FNTA: variants seen among roughly 807,000 people sequenced by gnomAD.
FNTA encodes protein farnesyltransferase/geranylgeranyltransferase type-1 subunit alpha.
FNTA carries 27 observed loss-of-function variants against 55.2 expected under a neutral mutation model. The observed-to-expected ratio is 0.49, with a 90% CI of 0.36 to 0.67. FNTA has a LOEUF of 0.67. Ranked by LOEUF, FNTA falls within the 30% of genes least tolerant of loss-of-function variation. The pLI is 0.00. For synonymous variants in FNTA, 176 were observed against 170.7 expected, an observed-to-expected ratio of 1.03 and a Z score of -0.24; for missense variants, 422 against 464.7, an observed-to-expected ratio of 0.91 and a Z score of 0.85.
chr8:43,057,207 C>G (rs1217069537), intron 1 of FNTA: 1 of 152,216 alleles, frequency 6.6e-6, no homozygotes, highest in Admixed American at 6.5e-5. Flanking sequence ...TTGCTGACAC[C>G]CAGTTCCATC....
At chr8:43,068,335 C>T (rs1036922604) in intron 3 of FNTA, among the ~76,000 whole-genome samples, 3 of 152,110 alleles carry the variant, frequency 2.0e-5, no homozygotes, top group Admixed American at 6.5e-5. Context: ...TACTATATAT[C>T]GAGTTGGAAA....
chr8:43,079,602 G>T (rs544324722), intron 6 of FNTA: 1 of 152,332 alleles, frequency 6.6e-6, no homozygotes, highest in East Asian at 1.9e-4. Context: ...GATGTGCAAG[G>T]AGATGCTGTT....
chr8:43,056,700 G>C (rs931779381), intron 1 of FNTA, 154 bp downstream of exon 1: 9 of 326,974 alleles, frequency 2.8e-5, no homozygotes, highest in African/African-American at 1.5e-4. Context: ...GGCGGCTGCC[G>C]GGACGTCGCC....
intron 6 of FNTA, chr8:43,078,442 G>A (rs1810958610): frequency 6.6e-6 from 1 of 151,722 alleles, no homozygotes; most frequent in Admixed American, 6.6e-5. Context: ...GTGCTCACTT[G>A]TGTCTCCGTG....
Position 43,077,382 on chromosome 8 carries a change from C to G in FNTA, c.782+18C>G. 1.3e-6 allele frequency: 2 copies of G among 1,590,558 alleles called. No homozygotes were observed. Among genetic ancestry groups the G allele is most frequent in the Non-Finnish European group, 1.7e-6 (2 of 1,164,504 alleles). On this transcript the variant is annotated intron_variant, in intron 6 of 8. Coordinates refer to ENST00000302279, the MANE Select transcript of FNTA (RefSeq NM_002027.3). ...GAAGTCCAGTTAGTAATCTCCTTCACTTGCTCATTCGTTACAAACATGTTT... is the reference window on the plus strand; with the variant it reads ...GAAGTCCAGTTAGTAATCTCCTTCAGTTGCTCATTCGTTACAAACATGTTT...
intron 4 of FNTA, chr8:43,070,007 A>G (rs1472778162): frequency 6.3e-6 from 1 of 158,406 alleles, no homozygotes; most frequent in African/African-American, 2.4e-5. Context: ...TAATCCCAGC[A>G]GTTTGGGAGG....
chr8:43,072,338 A>AT (rs529880975), intron 5 of FNTA, 31 bp downstream of exon 5: 5,518 of 1,334,570 alleles, frequency 4.1e-3, no homozygotes, highest in South Asian at 7.6e-3. Flanking sequence ...TGTTTTTCAG[A>AT]TTTTTTTTTT....
intron 3 of FNTA, among the ~76,000 whole-genome samples, chr8:43,067,647 T>C (rs1810691690): frequency 7.9e-6 from 1 of 126,692 alleles, no homozygotes; most frequent in Non-Finnish European, 1.7e-5. Flanking sequence ...GGAAGTCTAC[T>C]TTTTTTTTTT....
intron 6 of FNTA, 39 bp downstream of exon 6, chr8:43,077,403 T>C (rs1199844801): frequency 6.5e-7 from 1 of 1,544,788 alleles, no homozygotes; most frequent in Non-Finnish European, 8.9e-7. Context: ...GTTACAAACA[T>C]GTTTGCATGC....
At chr8:43,066,001 ACTTTT>A (rs1810649240) in intron 3 of FNTA, among the ~76,000 whole-genome samples, 1 of 150,552 alleles carries the variant, frequency 6.6e-6, no homozygotes, top group Non-Finnish European at 1.5e-5. Flanking sequence ...TTTGTTTAAA[ACTTTT>A]CTTTTTCTCT....
At chr8:43,064,055 A>C in intron 2 of FNTA, 46 bp from the exon 3 acceptor site, 1 of 1,197,598 alleles carries the variant, frequency 8.4e-7, no homozygotes. Context: ...TATAGTGCTA[A>C]TTTTAAGTAA....
chr8:43,068,221 A>AG lies in FNTA; in HGVS notation c.402-1332dup, dbSNP rs1425704515. ...GAGATGGGGTTTTGCCACGTTGGCCAGGCTGGTCTCAAACTCTTGACCTCA... is the reference window on the plus strand; with the variant it reads ...GAGATGGGGTTTTGCCACGTTGGCCAGGGCTGGTCTCAAACTCTTGACCTCA... On this transcript the variant is annotated intron_variant, in intron 3 of 8. Transcript: ENST00000302279. Among the ~76,000 whole-genome samples the AG allele has an allele frequency of 5.3e-5, 8 of 152,206 alleles. No homozygotes were observed. In the East Asian group the frequency reaches 1.5e-3, roughly 29 times the overall value.
rs567808745 is a variant in FNTA at position 43,075,100 on chromosome 8, T to C, written c.634-2116T>C. Among the ~76,000 whole-genome samples, 13 of 152,300 alleles carry C rather than the reference T, an allele frequency of 8.5e-5. No individual in the cohort carries two copies. In the East Asian group the frequency reaches 2.1e-3, roughly 25 times the overall value. On this transcript the variant is annotated intron_variant, in intron 5 of 8. Coordinates refer to ENST00000302279, the MANE Select transcript of FNTA (RefSeq NM_002027.3). The stretch of plus-strand genomic sequence containing the variant: ...GAGTCTGAAAACAAATAGAAACATA[T>C]GTATAGAAAACACTACTCTTTGTTT...
chr8:43,084,699 G>C lies in FNTA; in HGVS notation c.846-11G>C. 1.3e-6 allele frequency: 2 copies of C among 1,564,018 alleles called. No homozygotes were observed. Among genetic ancestry groups the C allele is most frequent in the South Asian group, 1.2e-5 (1 of 83,756 alleles). ...CAAAATCAAGTCTTTGTTTTTTGTT[G>C]TTGTTTACAGGATTTTGCAGGATCG... is the stretch of plus-strand genomic sequence containing the variant. On this transcript the variant is annotated splice_polypyrimidine_tract_variant and intron_variant, in intron 7 of 8. Coordinates refer to ENST00000302279, the MANE Select transcript of FNTA (RefSeq NM_002027.3).
intron 7 of FNTA, among the ~76,000 whole-genome samples, chr8:43,084,040 C>A (rs1811074192): frequency 6.6e-6 from 1 of 151,768 alleles, no homozygotes; most frequent in African/African-American, 2.4e-5. Flanking sequence ...CCACTGTGCC[C>A]CAGCCTGGGC....
intron 5 of FNTA, among the ~76,000 whole-genome samples, chr8:43,074,917 G>T (rs1384471137): frequency 6.6e-6 from 1 of 152,184 alleles, no homozygotes; most frequent in Non-Finnish European, 1.5e-5. Context: ...ACCCACAAGT[G>T]AGTACATGTA....
intron 5 of FNTA, chr8:43,073,760 A>T (rs1810848927): frequency 6.6e-6 from 1 of 152,174 alleles, no homozygotes; most frequent in Admixed American, 6.5e-5. Context: ...GCATGTTGCT[A>T]TTGGCATCTA....
chr8:43,058,444 A>G (rs1315358778), intron 1 of FNTA, among the ~76,000 whole-genome samples: 1 of 152,212 alleles, frequency 6.6e-6, no homozygotes, highest in Non-Finnish European at 1.5e-5. Context: ...AAAGAATCTT[A>G]CTAGACCAAT....
chr8:43,062,288 G>GT lies in FNTA; in HGVS notation c.287-1803dup, dbSNP rs1277970716. On this transcript the variant is annotated intron_variant, in intron 2 of 8. Coordinates refer to ENST00000302279, the MANE Select transcript of FNTA (RefSeq NM_002027.3). ...AAATTTGAAATTATTTGGAAGCTTG[G>GT]TTTTTTTTTTGAGACAGACTTTCGC... Among the ~76,000 whole-genome samples, 875 of 145,222 alleles carry GT rather than the reference G, an allele frequency of 6.0e-3. 6 individuals are homozygous for GT. The highest frequency in any genetic ancestry group is 0.018 in the African/African-American group (711 of 39,546).
Sources: allele counts gnomAD v4.1 joint callset (sites outside exome capture counted in the v4.1 genomes callset), GRCh38; gene constraint gnomAD v4.1.1; transcripts MANE v1.5; gene names NCBI Gene and HGNC (gene_info 2026-07-23, HGNC 2026-07-21).